The following TMEM41A variants were observed in gnomAD, a reference collection of about 807,000 sequenced individuals.
TMEM41A encodes transmembrane protein 41A.
TMEM41A carries 20 observed loss-of-function variants against 25.7 expected under a neutral mutation model. The ratio of observed to expected loss-of-function variants is 0.78; its 90% CI spans 0.55 to 1.13. TMEM41A has a LOEUF of 1.13. TMEM41A is among the 50% of genes most tolerant of loss of function. TMEM41A has a pLI of 0.00. For synonymous variants in TMEM41A, 133 were observed against 139.6 expected, an observed-to-expected ratio of 0.95 and a Z score of 0.33; for missense variants, 299 against 314.3, an observed-to-expected ratio of 0.95 and a Z score of 0.37.
rs1719066918 is a variant in TMEM41A, at chr3:185,495,196, C to A, written c.393G>T (p.Val131=). The A allele has an allele frequency of 6.2e-7, 1 of 1,613,844 alleles. No individual in the cohort carries two copies. The highest frequency in any genetic ancestry group is 8.5e-7 in the Non-Finnish European group (1 of 1,180,006). The change falls in exon 3 of 5, where the codon GTG becomes GTT. Residue 131 remains valine, a synonymous_variant. Coordinates refer to ENST00000421852, the MANE Select transcript of TMEM41A (RefSeq NM_080652.4). ...CCACTTTATCAGGAAAGTAGGACACCACCAACTGTTTGCCAAAAATACTGG... is the reference window on the plus strand; with the variant it reads ...CCACTTTATCAGGAAAGTAGGACACAACCAACTGTTTGCCAAAAATACTGG... ...LLSSIFGKQL[V]VSYFPDKVAL...
chr3:185,498,814 T>A, intron 1 of TMEM41A, 29 bp downstream of exon 1: 1 of 1,542,962 alleles, frequency 6.5e-7, no homozygotes, highest in Non-Finnish European at 8.8e-7. Context: ...TCCCTTCCTC[T>A]GACCCGAACC....
chr3:185,498,746 G>T, intron 1 of TMEM41A, 97 bp downstream of exon 1: 1 of 931,218 alleles, frequency 1.1e-6, no homozygotes, highest in Middle Eastern at 2.6e-4. Context: ...CAACGCCTCC[G>T]ATACCGGAAC....
At chr3:185,494,823 G>A (rs1366493406) in intron 3 of TMEM41A, 62 bp from the exon 4 acceptor site, 13 of 1,522,850 alleles carry the variant, frequency 8.5e-6, no homozygotes, top group Non-Finnish European at 1.1e-5. Flanking sequence ...TTGAAAACCT[G>A]CTGGTGCCAG....
rs182079496 is a variant in TMEM41A at position 185,491,138 on chromosome 3, C to T, written c.*399G>A. On this transcript the variant is annotated 3_prime_UTR_variant, in exon 5 of 5. Transcript: ENST00000421852. ...TCAGCCTCCCGAGTAGCTGGGATTA[C>T]AGGTGCCTGCCACCACGCCTGGCTA... 1.2e-3 allele frequency: 208 copies of T among 175,574 alleles called. No homozygotes were observed. Among genetic ancestry groups the T allele is most frequent in the Non-Finnish European group, 1.9e-3 (160 of 82,826 alleles). 10.9% of individuals were successfully genotyped at this position (175,574 alleles called of 1,614,324 possible).
chr3:185,492,700 G>C (rs1283322190), intron 4 of TMEM41A: 1 of 152,132 alleles, frequency 6.6e-6, no homozygotes, highest in Non-Finnish European at 1.5e-5. Context: ...TATTTTAAAA[G>C]CCCCTTCTCC....
At position 185,489,637 on chromosome 3, in the gene TMEM41A, C is replaced by T. The variant is rs949707985; in HGVS notation, c.*1900G>A. 6.6e-6 allele frequency: 1 copy of T among 152,172 alleles called. No homozygotes were observed. The highest frequency in any genetic ancestry group is 1.5e-5 in the Non-Finnish European group (1 of 68,038). 9.4% of individuals were successfully genotyped at this position (152,172 alleles called of 1,614,324 possible). ...TCCATTTATTTGGGAAATTGCTTCA[C>T]CTGTAAACTCACAACTGATAAGGCA... On this transcript the variant is annotated 3_prime_UTR_variant, in exon 5 of 5. Transcript: ENST00000421852.
At position 185,491,629 on chromosome 3, in the gene TMEM41A, G is replaced by A. The variant is rs755390464; in HGVS notation, c.703C>T (p.Pro235Ser). The change falls in exon 5 of 5, where the codon CCT becomes TCT. Residue 235 changes from proline to serine, a missense_variant. Coordinates refer to ENST00000421852, the MANE Select transcript of TMEM41A (RefSeq NM_080652.4). ...CTAAATTTTTTAATGAGGGTTCCAG[G>A]AATTAATGCCACCATGGCAATGGCC... ...LLAIAMVALI[P>S]GTLIKKFSQK... The A allele has an allele frequency of 1.9e-6, 3 of 1,614,160 alleles. No individual in the cohort carries two copies. The highest frequency in any genetic ancestry group is 2.5e-6 in the Non-Finnish European group (3 of 1,180,038).
chr3:185,498,826 G>C lies in TMEM41A; in HGVS notation c.119+17C>G. 1.3e-6 allele frequency: 2 copies of C among 1,566,632 alleles called. No homozygotes were observed. The highest frequency in any genetic ancestry group is 1.9e-5 in the Admixed American group (1 of 51,930). ...GGCTCCCTTCCTCTGACCCGAACCC[G>C]GATTCCCGCCACGCACCTGCCTCCA... On this transcript the variant is annotated intron_variant, in intron 1 of 4. Transcript: ENST00000421852.
chr3:185,493,152 T>A (rs1379352567), intron 4 of TMEM41A: 1 of 152,176 alleles, frequency 6.6e-6, no homozygotes, highest in Admixed American at 6.5e-5. Flanking sequence ...TCTTCCAGTA[T>A]GGAGAAAGTA....
intron 1 of TMEM41A, 70 bp downstream of exon 1, chr3:185,498,772 TC>T: frequency 8.6e-7 from 1 of 1,162,282 alleles, no homozygotes; most frequent in South Asian, 1.6e-5. Flanking sequence ...TCTCCGAATC[TC>T]CGATTCCCAG....
Position 185,491,117 on chromosome 3 carries a change from C to G in TMEM41A, c.*420G>C, listed in dbSNP as rs190786244. On this transcript the variant is annotated 3_prime_UTR_variant, in exon 5 of 5. Coordinates refer to ENST00000421852, the MANE Select transcript of TMEM41A (RefSeq NM_080652.4). Reference sequence around the variant, plus strand: ...GGTTCAAGCAATTCTCCTGCCTCAGCCTCCCGAGTAGCTGGGATTACAGGT... The same window carrying G: ...GGTTCAAGCAATTCTCCTGCCTCAGGCTCCCGAGTAGCTGGGATTACAGGT... The G allele has an allele frequency of 1.3e-3, 220 of 164,266 alleles. No individual in the cohort carries two copies. Among genetic ancestry groups the G allele is most frequent in the African/African-American group, 5.1e-3 (210 of 41,450 alleles). The allele number at this position is 164,266 out of a possible 1,614,324, so 10.2% of individuals were successfully genotyped here. A position where few individuals can be genotyped will look rare whatever the true frequency, so the allele number is the denominator to read the frequency against.
chr3:185,498,087 C>CTCCA (rs986988203), intron 1 of TMEM41A, among the ~76,000 whole-genome samples: 1 of 108,750 alleles, frequency 9.2e-6, no homozygotes, highest in Non-Finnish European at 2.0e-5. Flanking sequence ...TGAGACCCCC[C>CTCCA]CCCCGCGTCC....
chr3:185,496,799 C>T (rs890079916), intron 2 of TMEM41A, 29 bp downstream of exon 2: 6 of 1,591,668 alleles, frequency 3.8e-6, no homozygotes, highest in Non-Finnish European at 5.1e-6. Flanking sequence ...GATAAGGAAA[C>T]AGGGTTGGAG....
At chr3:185,492,820 C>T (rs1002160244) in intron 4 of TMEM41A, 1 of 152,256 alleles carries the variant, frequency 6.6e-6, no homozygotes, top group African/African-American at 2.4e-5. Flanking sequence ...CAGGGTCACA[C>T]AGCTTGTGAG....
Position 185,491,542 on chromosome 3 carries a change from T to C in TMEM41A, c.790A>G (p.Thr264Ala). Residue 264 changes from threonine (T) to alanine (A), a missense_variant, in exon 5 of 5, where the codon ACA becomes GCA. Coordinates refer to ENST00000421852, the MANE Select transcript of TMEM41A (RefSeq NM_080652.4). ...TANHIHSRKDT is the reference protein window; with the variant it reads ...TANHIHSRKDA The stretch of plus-strand genomic sequence containing the variant: ...TGGCAAACAGAAAATCCAGATCATG[T>C]GTCTTTTCTACTGTGTATATGATTA... The C allele has an allele frequency of 6.2e-7, 1 of 1,613,366 alleles. No individual in the cohort carries two copies. Among genetic ancestry groups the C allele is most frequent in the Non-Finnish European group, 8.5e-7 (1 of 1,179,444 alleles).
At chr3:185,496,620 G>T (rs895142833) in intron 2 of TMEM41A, 2 of 630,592 alleles carry the variant, frequency 3.2e-6, no homozygotes, top group Non-Finnish European at 5.6e-6. Flanking sequence ...GCTGGGGTGG[G>T]AGAGGGAAGC....
Position 185,490,080 on chromosome 3 carries a change from T to A in TMEM41A, c.*1457A>T, listed in dbSNP as rs369741442. Reference sequence around the variant, plus strand: ...AGCAGTCTGGTAAGTCCTGATGAGTTACTCCTGTGGGGTGCAGGATCACAG... The same window carrying A: ...AGCAGTCTGGTAAGTCCTGATGAGTAACTCCTGTGGGGTGCAGGATCACAG... On this transcript the variant is annotated 3_prime_UTR_variant, in exon 5 of 5. Transcript: ENST00000421852. 9.2e-5 allele frequency: 14 copies of A among 152,346 alleles called. No individual in the cohort carries two copies. The East Asian group carries it at 2.3e-3, about 25-fold the overall frequency. The allele number at this position is 152,346 out of a possible 1,614,324, so 9.4% of individuals were successfully genotyped here.
At chr3:185,495,376 T>C (rs969048939) in intron 2 of TMEM41A, 61 bp from the exon 3 acceptor site, 1 of 1,545,934 alleles carries the variant, frequency 6.5e-7, no homozygotes, top group Non-Finnish European at 8.8e-7. Flanking sequence ...CACGTCATCT[T>C]GGAGCCTGAG....
At chr3:185,496,672 A>T in intron 2 of TMEM41A, 156 bp downstream of exon 2, 1 of 908,822 alleles carries the variant, frequency 1.1e-6, no homozygotes, top group Non-Finnish European at 1.7e-6. Flanking sequence ...TTCGGTGCTC[A>T]ATCCCTCCGT....
Sources: gnomAD v4.1 joint callset for allele counts (sites outside exome capture counted in the v4.1 genomes callset) on GRCh38, gnomAD v4.1.1 for gene constraint, MANE v1.5 for transcripts, NCBI Gene and HGNC (gene_info 2026-07-23, HGNC 2026-07-21) for gene names.